SCFD1: variants seen among roughly 807,000 people sequenced by gnomAD.
SCFD1 encodes sec1 family domain-containing protein 1.
A neutral mutation model predicts 103.2 loss-of-function variants in SCFD1; 37 were observed. The ratio of observed to expected loss-of-function variants is 0.36; its 90% CI spans 0.28 to 0.47. SCFD1 has a LOEUF of 0.47. SCFD1 is among the 20% of genes least tolerant of loss of function. The pLI is 1.00. For missense variants in SCFD1, 639 were observed against 761.2 expected (o/e 0.84, Z 1.89); for synonymous variants, 264 against 245.0 (o/e 1.08, Z -0.73).
intron 5 of SCFD1, among the ~76,000 whole-genome samples, chr14:30,639,539 T>A (rs1885060687): frequency 6.6e-6 from 1 of 152,218 alleles, no homozygotes; most frequent in Admixed American, 6.5e-5. Context: ...TTTTGTTTTC[T>A]GAAAATGTTA....
chr14:30,726,750 C>T (rs1893070721), intron 23 of SCFD1, among the ~76,000 whole-genome samples: 1 of 152,100 alleles, frequency 6.6e-6, no homozygotes, highest in Admixed American at 6.5e-5. Context: ...TTCCAGGCTG[C>T]TTGCCACCAT....
chr14:30,651,991 T>C (rs760132660), intron 9 of SCFD1, among the ~76,000 whole-genome samples: 19 of 152,160 alleles, frequency 1.2e-4, no homozygotes, highest in Non-Finnish European at 2.4e-4. Flanking sequence ...CAAGAAATTA[T>C]CCAGCCCCAA....
rs562794696 is a variant in SCFD1 at position 30,674,834 on chromosome 14, C to T, written c.1161-150C>T. The stretch of plus-strand genomic sequence containing the variant: ...TAATAAATACTGTAGGTGTTCAAGT[C>T]TAGAGATTAAATTAGTTGATAGTTT... On this transcript the variant is annotated intron_variant, in intron 13 of 24. Transcript: ENST00000458591. 1.3e-4 allele frequency: 59 copies of T among 457,932 alleles called. 1 individual carries two copies. Among genetic ancestry groups the T allele is most frequent in the African/African-American group, 1.1e-3 (55 of 49,366 alleles). The allele number at this position is 457,932 out of a possible 1,614,324, so 28.4% of individuals were successfully genotyped here. A position where few individuals can be genotyped will look rare whatever the true frequency, so the allele number is the denominator to read the frequency against.
intron 19 of SCFD1, among the ~76,000 whole-genome samples, chr14:30,714,794 GTTCTC>G (rs1413593729): frequency 1.3e-5 from 2 of 152,164 alleles, no homozygotes; most frequent in African/African-American, 2.4e-5. Flanking sequence ...ATACAAGACT[GTTCTC>G]TTCAGAACAT....
chr14:30,646,388 A>G (rs542217886), intron 7 of SCFD1, among the ~76,000 whole-genome samples: 2 of 149,974 alleles, frequency 1.3e-5, no homozygotes, highest in Non-Finnish European at 2.9e-5. Context: ...TGAGATGATC[A>G]TATGGTTTTT....
intron 23 of SCFD1, among the ~76,000 whole-genome samples, chr14:30,731,360 T>G (rs1019344883): frequency 5.3e-5 from 8 of 152,226 alleles, no homozygotes; most frequent in African/African-American, 1.9e-4. Flanking sequence ...ATATGAACTT[T>G]AAAGTAGTTT....
intron 13 of SCFD1, 94 bp from the exon 14 acceptor site, chr14:30,674,890 C>G: frequency 4.8e-6 from 3 of 622,312 alleles, no homozygotes; most frequent in Non-Finnish European, 8.3e-6. Context: ...TTTCACTGTT[C>G]TGAGTTTCCA....
chr14:30,672,472 T>A (rs1888643648), intron 11 of SCFD1, among the ~76,000 whole-genome samples: 1 of 152,204 alleles, frequency 6.6e-6, no homozygotes, highest in Non-Finnish European at 1.5e-5. Context: ...GGAAAGGTTT[T>A]TGTTCACTGT....
chr14:30,715,917 T>A lies in SCFD1; in HGVS notation c.1630-7T>A, dbSNP rs1321359161. 1.3e-6 allele frequency: 2 copies of A among 1,511,846 alleles called. No homozygotes were observed. The highest frequency in any genetic ancestry group is 1.8e-6 in the Non-Finnish European group (2 of 1,107,948). The allele number at this position is 1,511,846 out of a possible 1,614,324, so 93.7% of individuals were successfully genotyped here. A position where few individuals can be genotyped will look rare whatever the true frequency, so the allele number is the denominator to read the frequency against. On this transcript the variant is annotated splice_region_variant and splice_polypyrimidine_tract_variant and intron_variant, in intron 19 of 24. Transcript: ENST00000458591. ...ATTCTAATATTTAACAAAATACTTT[T>A]CCACAGAATCTACCTGTTACTCGTA...
chr14:30,719,312 T>C lies in SCFD1; in HGVS notation c.1684-13T>C. Reference sequence around the variant, plus strand: ...ATTCCACAGTCATGGTAAAGTTCTATTTTTTTTAATAGGAAACTGATGACT... The same window carrying C: ...ATTCCACAGTCATGGTAAAGTTCTACTTTTTTTAATAGGAAACTGATGACT... On this transcript the variant is annotated splice_polypyrimidine_tract_variant and intron_variant, in intron 20 of 24. Transcript: ENST00000458591. 6.5e-7 allele frequency: 1 copy of C among 1,534,642 alleles called. No homozygotes were observed. The highest frequency in any genetic ancestry group is 1.8e-5 in the Admixed American group (1 of 54,508).
chr14:30,696,641 GCAGAGTGTC>G (rs1890721906), intron 15 of SCFD1, among the ~76,000 whole-genome samples: 1 of 152,220 alleles, frequency 6.6e-6, no homozygotes, highest in Non-Finnish European at 1.5e-5. Flanking sequence ...GGAAAGGAAA[GCAGAGTGTC>G]CACATGTGGG....
chr14:30,627,856 T>TAA (rs59421697), intron 1 of SCFD1, among the ~76,000 whole-genome samples: 11 of 116,308 alleles, frequency 9.5e-5, no homozygotes, highest in South Asian at 2.7e-4. Flanking sequence ...CACTCAGACT[T>TAA]AAAAAAAAAA....
At chr14:30,675,203 A>T (rs1297224501) in intron 14 of SCFD1, 138 bp downstream of exon 14, 68 of 454,186 alleles carry the variant, frequency 1.5e-4, no homozygotes, top group Non-Finnish European at 2.6e-4. Context: ...CAGCAGTATT[A>T]TAGTTATTTT....
At position 30,701,001 on chromosome 14, in the gene SCFD1, G is replaced by T. The variant is rs73254547; in HGVS notation, c.1410+743G>T. Among the ~76,000 whole-genome samples, 1,344 of 152,238 alleles carry T rather than the reference G, an allele frequency of 8.8e-3. 23 individuals carry two copies. Among genetic ancestry groups the T allele is most frequent in the African/African-American group, 0.03 (1,249 of 41,540 alleles). Reference sequence around the variant, plus strand: ...TGATTTTGGTATCAGACTTCTTCTGGGTTAGAGACTGTTGACTTTAATGTT... The same window carrying T: ...TGATTTTGGTATCAGACTTCTTCTGTGTTAGAGACTGTTGACTTTAATGTT... On this transcript the variant is annotated intron_variant, in intron 16 of 24. Coordinates refer to ENST00000458591, the MANE Select transcript of SCFD1 (RefSeq NM_016106.4).
intron 10 of SCFD1, chr14:30,658,202 G>A: frequency 2.3e-6 from 1 of 429,638 alleles, no homozygotes; most frequent in South Asian, 1.7e-5. Flanking sequence ...TTCTCTTTTT[G>A]TACCTTTCAC....
At chr14:30,672,497 C>A (rs1888647429) in intron 11 of SCFD1, among the ~76,000 whole-genome samples, 1 of 152,156 alleles carries the variant, frequency 6.6e-6, no homozygotes. Flanking sequence ...GAGACATGAC[C>A]TTTTCTTTCT....
At chr14:30,681,554 C>T (rs1889483896) in intron 14 of SCFD1, among the ~76,000 whole-genome samples, 1 of 134,638 alleles carries the variant, frequency 7.4e-6, no homozygotes, top group African/African-American at 2.5e-5. Context: ...TCAAATAGCA[C>T]ATAGAATGAA....
Position 30,665,913 on chromosome 14 carries a change from A to G in SCFD1, c.856-4343A>G, listed in dbSNP as rs1887915812. On this transcript the variant is annotated intron_variant, in intron 10 of 24. Coordinates refer to ENST00000458591, the MANE Select transcript of SCFD1 (RefSeq NM_016106.4). ...CATAAAACAAATCCCAGATTCACAA[A>G]ACAAGTCCTTAGAGACCTACAAAGA... Among the ~76,000 whole-genome samples the G allele has an allele frequency of 2.0e-5, 3 of 152,322 alleles. No homozygotes were observed. In the South Asian group the frequency reaches 6.2e-4, roughly 32 times the overall value.
chr14:30,641,427 T>C (rs776088825), intron 6 of SCFD1, among the ~76,000 whole-genome samples: 1 of 152,122 alleles, frequency 6.6e-6, no homozygotes, highest in Non-Finnish European at 1.5e-5. Flanking sequence ...TACTTTTCAT[T>C]GAGAGATGTG....
Sources: allele counts gnomAD v4.1 joint callset (sites outside exome capture counted in the v4.1 genomes callset), GRCh38; gene constraint gnomAD v4.1.1; transcripts MANE v1.5; gene names NCBI Gene and HGNC (gene_info 2026-07-23, HGNC 2026-07-21).